Variants in DLGAP2 observed in about 807,000 individuals in gnomAD.
The protein encoded by DLGAP2 is disks large-associated protein 2.
Under a neutral mutation model 100.3 loss-of-function variants are expected in DLGAP2, and 26 were observed. The observed-to-expected ratio is 0.26, with a 90% confidence interval of 0.19 to 0.36. DLGAP2 has a LOEUF of 0.36. DLGAP2 is among the 10% of genes least tolerant of loss of function. The probability of loss-of-function intolerance (pLI) is 1.00; values close to 1 mark genes in which losing one functional copy is unlikely to be tolerated. For synonymous variants in DLGAP2, 886 were observed against 630.1 expected, an observed-to-expected ratio of 1.41 and a Z score of -6.08; for missense variants, 1,858 against 1,453.2, an observed-to-expected ratio of 1.28 and a Z score of -4.53.
intron 3 of DLGAP2, among the ~76,000 whole-genome samples, chr8:1,322,763 A>T (rs73670754): frequency 0.016 from 2,370 of 152,322 alleles, 66 homozygotes; most frequent in African/African-American, 0.054. Flanking sequence ...CATAGATCAG[A>T]TCGGCTCCTC....
At chr8:1,412,824 C>T (rs1241793306) in intron 3 of DLGAP2, among the ~76,000 whole-genome samples, 1 of 152,202 alleles carries the variant, frequency 6.6e-6, no homozygotes, top group Non-Finnish European at 1.5e-5. Context: ...AGCAGATGGC[C>T]TGTGTCTCCA....
At chr8:786,439 A>C (rs1462506750) in intron 1 of DLGAP2, among the ~76,000 whole-genome samples, 1 of 152,114 alleles carries the variant, frequency 6.6e-6, no homozygotes, top group Non-Finnish European at 1.5e-5. Flanking sequence ...GGGAAGGGCC[A>C]GCAGAGAACT....
chr8:1,026,812 T>C (rs1359055863), intron 2 of DLGAP2, among the ~76,000 whole-genome samples: 1 of 152,198 alleles, frequency 6.6e-6, no homozygotes, highest in Admixed American at 6.5e-5. Flanking sequence ...TTTATGAAAA[T>C]ACCCATGAGA....
intron 2 of DLGAP2, among the ~76,000 whole-genome samples, chr8:982,042 G>C (rs571413333): frequency 1.3e-5 from 2 of 152,146 alleles, no homozygotes; most frequent in African/African-American, 2.4e-5. Flanking sequence ...AACTTGCTTT[G>C]CTCCTGGCTA....
chr8:1,387,857 G>T (rs1796255229), intron 3 of DLGAP2, among the ~76,000 whole-genome samples: 2 of 152,236 alleles, frequency 1.3e-5, no homozygotes, highest in African/African-American at 2.4e-5. Context: ...CAGTCTAAGA[G>T]CCTGTGGATT....
intron 3 of DLGAP2, among the ~76,000 whole-genome samples, chr8:1,379,900 C>A (rs772356982): frequency 2.1e-4 from 31 of 147,846 alleles, no homozygotes; most frequent in South Asian, 1.2e-3. Flanking sequence ...TCCCTCCCCT[C>A]CTGCTCGGTG....
In DLGAP2 at chr8:1,455,326, T is replaced by TG. The variant is rs1344902434; in HGVS notation, c.107-46036dup. On this transcript the variant is annotated intron_variant, in intron 3 of 14. Coordinates refer to ENST00000637795, the MANE Select transcript of DLGAP2 (RefSeq NM_001346810.2). ...CCCTCTGGAGCTGCCTGCCTGCAGGTGGGGTTTCCCGATGGTGGGGCCAAG... is the reference window on the plus strand; with the variant it reads ...CCCTCTGGAGCTGCCTGCCTGCAGGTGGGGGTTTCCCGATGGTGGGGCCAAG... Among the ~76,000 whole-genome samples, 4 of 152,284 alleles carry TG rather than the reference T, an allele frequency of 2.6e-5. No homozygotes were observed. In the East Asian group the frequency reaches 7.8e-4, roughly 30 times the overall value.
At chr8:982,726 A>G (rs185895828) in intron 2 of DLGAP2, among the ~76,000 whole-genome samples, 376 of 152,240 alleles carry the variant, frequency 2.5e-3, no homozygotes, top group Middle Eastern at 6.8e-3. Context: ...TGACCTAACC[A>G]ATAAGTCTCT....
intron 3 of DLGAP2, among the ~76,000 whole-genome samples, chr8:1,359,990 C>T (rs1041833663): frequency 6.6e-6 from 1 of 152,224 alleles, no homozygotes; most frequent in African/African-American, 2.4e-5. Context: ...CACACCTCAG[C>T]ATCGCCGGTG....
At chr8:1,160,773 G>GGAAGGCGAGGAAGCCTGGCA (rs1563221992) in intron 2 of DLGAP2, among the ~76,000 whole-genome samples, 2 of 152,138 alleles carry the variant, frequency 1.3e-5, no homozygotes, top group African/African-American at 2.4e-5. Flanking sequence ...AAAGCCTGGC[G>GGAAGGCGAGGAAGCCTGGCA]AGGAAGGCGA....
chr8:1,604,768 T>G lies in DLGAP2; in HGVS notation c.1443-21972T>G, dbSNP rs189184029. 190 of 152,088 alleles carry G rather than the reference T, an allele frequency of 1.2e-3. 1 individual carries two copies. Among genetic ancestry groups the G allele is most frequent in the African/African-American group, 4.4e-3 (184 of 41,450 alleles). 9.4% of individuals were successfully genotyped at this position (152,088 alleles called of 1,614,324 possible). ...GCCTTTAAATGTAAAGTGACAACAG[T>G]CAAAAATATTTATAAAGAAAAAAGC... On this transcript the variant is annotated intron_variant, in intron 6 of 14. Transcript: ENST00000637795.
rs576584180 is a variant in DLGAP2, at chr8:1,594,503, G to A, written c.1442+28609G>A. 4.6e-5 allele frequency among the ~76,000 whole-genome samples: 7 copies of A among 152,112 alleles called. No individual in the cohort carries two copies. In the East Asian group the frequency reaches 5.8e-4, roughly 13 times the overall value. On this transcript the variant is annotated intron_variant, in intron 6 of 14. Transcript: ENST00000637795. ...ACCAGATCAAACAGAAGAAAGCATC[G>A]GTGAACTCAAAGACAACATCGTTAC...
rs117372881 is a variant in DLGAP2, at chr8:1,600,633, T to C, written c.1443-26107T>C. Among the ~76,000 whole-genome samples, 719 of 152,350 alleles carry C rather than the reference T, an allele frequency of 4.7e-3. 1 individual carries two copies. The highest frequency in any genetic ancestry group is 8.7e-3 in the Non-Finnish European group (595 of 68,034). ...TTATTTTAATAAGGTGATGCTTCAA[T>C]TTCTGATATCCTTTCTTCATTTGAT... is the stretch of plus-strand genomic sequence containing the variant. On this transcript the variant is annotated intron_variant, in intron 6 of 14. Transcript: ENST00000637795.
chr8:1,335,979 C>A (rs537298316), intron 3 of DLGAP2, among the ~76,000 whole-genome samples: 1 of 152,134 alleles, frequency 6.6e-6, no homozygotes, highest in Non-Finnish European at 1.5e-5. Flanking sequence ...GGGCTTTGTG[C>A]TTTTTCCGGT....
chr8:1,633,096 C>A, intron 8 of DLGAP2, 50 bp downstream of exon 8: 1 of 1,584,260 alleles, frequency 6.3e-7, no homozygotes, highest in Non-Finnish European at 8.7e-7. Context: ...AGAGGCATAC[C>A]TGTCTTCATC....
At chr8:1,478,420 C>T (rs927981925) in intron 3 of DLGAP2, among the ~76,000 whole-genome samples, 5 of 152,220 alleles carry the variant, frequency 3.3e-5, no homozygotes, top group East Asian at 3.9e-4. Context: ...AGGAGCTCCT[C>T]GCGGTGTGAA....
At chr8:843,392 G>T (rs1282034112) in intron 1 of DLGAP2, among the ~76,000 whole-genome samples, 9 of 152,178 alleles carry the variant, frequency 5.9e-5, no homozygotes, top group Non-Finnish European at 1.0e-4. Context: ...AGGAGTTCAC[G>T]GGGGCTGTCT....
intron 2 of DLGAP2, among the ~76,000 whole-genome samples, chr8:1,156,629 CCAGCGCCCCGGCT>C (rs1462016820): frequency 9.2e-5 from 2 of 21,702 alleles, no homozygotes; most frequent in Non-Finnish European, 3.7e-4. Flanking sequence ...GCGCCCCAGC[CCAGCGCCCCGGCT>C]CAGCGCCCCA....
intron 2 of DLGAP2, among the ~76,000 whole-genome samples, chr8:1,242,393 A>G (rs4976862): frequency 0.97 from 148,376 of 152,334 alleles, 72,306 homozygotes; most frequent in Middle Eastern, 1. Context: ...AAGGCCCCAC[A>G]TCACCAGCCA....
Sources: allele counts gnomAD v4.1 joint callset (sites outside exome capture counted in the v4.1 genomes callset), GRCh38; gene constraint gnomAD v4.1.1; transcripts MANE v1.5; gene names NCBI Gene and HGNC (gene_info 2026-07-23, HGNC 2026-07-21).